The following OSCP1 variants were observed in gnomAD, a reference collection of about 807,000 sequenced individuals.
The protein encoded by OSCP1 is organic solute carrier partner 1, also known as protein OSCP1.
In OSCP1, 35 loss-of-function variants were observed where a neutral mutation model predicts 45.1. The observed-to-expected ratio is 0.78, with a 90% confidence interval of 0.59 to 1.03. OSCP1 has a LOEUF of 1.03. Ranked by LOEUF, OSCP1 falls within the 50% of genes least tolerant of loss-of-function variation. The pLI is 0.00. For missense variants in OSCP1, 400 were observed against 470.7 expected, an observed-to-expected ratio of 0.85 and a Z score of 1.39; for synonymous variants, 179 against 180.1, an observed-to-expected ratio of 0.99 and a Z score of 0.05.
chr1:36,431,723 T>C (rs1648372461), intron 4 of OSCP1, 79 bp downstream of exon 4: 2 of 1,388,230 alleles, frequency 1.4e-6, no homozygotes, highest in East Asian at 2.3e-5. Context: ...TCTCCGTCCT[T>C]GTTTGCCCTC....
chr1:36,418,328 C>G, intron 9 of OSCP1, 73 bp from the exon 10 acceptor site: 2 of 1,397,998 alleles, frequency 1.4e-6, no homozygotes, highest in African/African-American at 1.4e-5. Context: ...GCACTAGGCA[C>G]TTAGTTTTTT....
intron 3 of OSCP1, 143 bp downstream of exon 3, chr1:36,432,279 G>C (rs773379535): frequency 2.0e-6 from 2 of 992,000 alleles, no homozygotes; most frequent in Non-Finnish European, 3.0e-6. Context: ...AATGGACACG[G>C]ATTGCTTTTC....
At chr1:36,433,834 C>T (rs1431172738) in intron 2 of OSCP1, among the ~76,000 whole-genome samples, 4 of 152,060 alleles carry the variant, frequency 2.6e-5, no homozygotes, top group Admixed American at 2.0e-4. Context: ...GAGTAGCTAG[C>T]ACCTGGTTCC....
rs767280774 is a variant in OSCP1 at position 36,420,543 on chromosome 1, T to C, written c.892A>G (p.Ile298Val). The C allele has an allele frequency of 1.2e-6, 2 of 1,614,144 alleles. No individual in the cohort carries two copies. Among genetic ancestry groups the C allele is most frequent in the Non-Finnish European group, 8.5e-7 (1 of 1,180,030 alleles). The change falls in exon 8 of 10, where the codon ATT becomes GTT. Residue 298 changes from isoleucine to valine, a missense_variant. Physicochemically the swap from Ile to Val is conservative, Grantham distance 29 (BLOSUM62 3). Transcript: ENST00000235532. The part of the protein sequence containing the change: ...FLARLMGGME[I>V]KKPSGPEPGF... Reference sequence around the variant, plus strand: ...GGCTCAGGGCCACTGGGTTTCTTAATCTCCATCCCTCCCATCAGCCTGGCC... The same window carrying C: ...GGCTCAGGGCCACTGGGTTTCTTAACCTCCATCCCTCCCATCAGCCTGGCC...
At position 36,419,048 on chromosome 1, in the gene OSCP1, T is replaced by C; in HGVS notation, c.966A>G (p.Ala322=). The change falls in exon 9 of 10, where the codon GCA becomes GCG. Residue 322 remains alanine, a synonymous_variant. Coordinates refer to ENST00000235532, the MANE Select transcript of OSCP1 (RefSeq NM_145047.5). ...ATAACTCTTCTGGCCTGGTTAGCGC[T>C]GCTTGTCTGGATGAGATGGTAAAGA... ...LFTTDEEEEQ[A]ALTRPEELSY... is the part of the protein sequence containing the mutation. The C allele has an allele frequency of 6.2e-7, 1 of 1,612,060 alleles. No individual in the cohort carries two copies. Among genetic ancestry groups the C allele is most frequent in the Non-Finnish European group, 8.5e-7 (1 of 1,178,090 alleles).
In OSCP1 at chr1:36,419,066, G is replaced by A. The variant is rs759005826; in HGVS notation, c.960-12C>T. 6.2e-7 allele frequency: 1 copy of A among 1,607,274 alleles called. No homozygotes were observed. The highest frequency in any genetic ancestry group is 8.5e-7 in the Non-Finnish European group (1 of 1,173,966). On this transcript the variant is annotated splice_polypyrimidine_tract_variant and intron_variant, in intron 8 of 9. Coordinates refer to ENST00000235532, the MANE Select transcript of OSCP1 (RefSeq NM_145047.5). ...TTAGCGCTGCTTGTCTGGATGAGAT[G>A]GTAAAGAAAATGGGTGCAACATTAG...
intron 3 of OSCP1, 49 bp from the exon 4 acceptor site, chr1:36,431,931 G>T (rs746221617): frequency 6.4e-7 from 1 of 1,563,542 alleles, no homozygotes; most frequent in East Asian, 2.2e-5. Flanking sequence ...AGAGGGATGA[G>T]TAGTACGCAC....
intron 1 of OSCP1, chr1:36,444,124 T>C: frequency 7.0e-7 from 1 of 1,432,564 alleles, no homozygotes; most frequent in Non-Finnish European, 9.8e-7. Flanking sequence ...CCAATGATCT[T>C]ATCTATGAAA....
intron 2 of OSCP1, among the ~76,000 whole-genome samples, chr1:36,438,339 AAATT>A (rs1402724313): frequency 6.6e-6 from 1 of 151,264 alleles, no homozygotes; most frequent in African/African-American, 2.4e-5. Context: ...AAAAAAAAAA[AAATT>A]AGCCAGTGTG....
chr1:36,434,047 C>G (rs1037529061), intron 2 of OSCP1, among the ~76,000 whole-genome samples: 9 of 152,124 alleles, frequency 5.9e-5, no homozygotes, highest in African/African-American at 1.7e-4. Context: ...TCCAGAAGGA[C>G]TGCACCTTTT....
intron 2 of OSCP1, among the ~76,000 whole-genome samples, chr1:36,435,549 T>C (rs543286900): frequency 1.3e-5 from 2 of 152,316 alleles, no homozygotes; most frequent in Non-Finnish European, 2.9e-5. Flanking sequence ...GTTTCTCACT[T>C]AATTATCCTA....
intron 2 of OSCP1, among the ~76,000 whole-genome samples, chr1:36,436,352 C>T (rs1648739133): frequency 6.6e-6 from 1 of 151,764 alleles, no homozygotes; most frequent in Non-Finnish European, 1.5e-5. Context: ...CCTCATGATC[C>T]ACCCGCCTCA....
chr1:36,422,073 C>A, intron 7 of OSCP1, 77 bp downstream of exon 7: 1 of 1,382,150 alleles, frequency 7.2e-7, no homozygotes. Flanking sequence ...AAATCTAAAG[C>A]GTTCTCACCT....
At chr1:36,426,710 T>C (rs2124781002) in intron 4 of OSCP1, among the ~76,000 whole-genome samples, 1 of 152,320 alleles carries the variant, frequency 6.6e-6, no homozygotes, top group South Asian at 2.1e-4. Context: ...TGTATTTTTT[T>C]ATTTTAATTT....
chr1:36,444,387 G>A (rs777763339), intron 1 of OSCP1, among the ~76,000 whole-genome samples: 4 of 152,138 alleles, frequency 2.6e-5, no homozygotes, highest in Admixed American at 6.5e-5. Context: ...TTTTAAAGAC[G>A]CTAGCCTCCA....
intron 2 of OSCP1, 129 bp from the exon 3 acceptor site, chr1:36,432,718 A>G (rs1648456525): frequency 1.9e-6 from 2 of 1,034,226 alleles, no homozygotes; most frequent in South Asian, 1.4e-5. Flanking sequence ...TCGGGGGACC[A>G]TATCACTTAT....
At chr1:36,434,004 C>T (rs1051636940) in intron 2 of OSCP1, among the ~76,000 whole-genome samples, 12 of 152,164 alleles carry the variant, frequency 7.9e-5, no homozygotes, top group Non-Finnish European at 1.8e-4. Context: ...TAGGTGGTGA[C>T]TGCCTAGATT....
chr1:36,420,752 G>A, intron 7 of OSCP1, 137 bp from the exon 8 acceptor site: 3 of 1,238,312 alleles, frequency 2.4e-6, no homozygotes, highest in East Asian at 4.8e-5. Flanking sequence ...CAAATAAAGT[G>A]TAGAAAGCAG....
intron 6 of OSCP1, 86 bp downstream of exon 6, chr1:36,422,682 C>G: frequency 7.7e-7 from 1 of 1,304,418 alleles, no homozygotes; most frequent in South Asian, 1.8e-5. Flanking sequence ...ATTTTCATAG[C>G]AGAAGTCTGG....
Sources: allele counts gnomAD v4.1 joint callset (sites outside exome capture counted in the v4.1 genomes callset), GRCh38; gene constraint gnomAD v4.1.1; transcripts MANE v1.5; gene names NCBI Gene and HGNC (gene_info 2026-07-23, HGNC 2026-07-21).